NEDD9: variants seen among roughly 807,000 people sequenced by gnomAD.
The protein encoded by NEDD9 is enhancer of filamentation 1.
Under a neutral mutation model 76.6 loss-of-function variants are expected in NEDD9, and 26 were observed. The ratio of observed to expected loss-of-function variants is 0.34; its 90% CI spans 0.25 to 0.47. The LOEUF (loss-of-function observed/expected upper bound fraction) is 0.47. Ranked by LOEUF, NEDD9 falls within the 20% of genes least tolerant of loss-of-function variation. The pLI is 1.00. For missense variants in NEDD9, 937 were observed against 1,058.5 expected, an observed-to-expected ratio of 0.89 and a Z score of 1.59; for synonymous variants, 392 against 414.2, an observed-to-expected ratio of 0.95 and a Z score of 0.65.
intron 1 of NEDD9, among the ~76,000 whole-genome samples, chr6:11,369,180 A>G (rs1762816887): frequency 6.6e-6 from 1 of 152,174 alleles, no homozygotes; most frequent in South Asian, 2.1e-4. Context: ...TCCCCAACTT[A>G]TGTTGCTTGA....
intron 3 of NEDD9, among the ~76,000 whole-genome samples, chr6:11,244,743 G>T (rs1759776429): frequency 1.3e-5 from 2 of 152,312 alleles, no homozygotes; most frequent in South Asian, 4.1e-4. Flanking sequence ...GCTCGGTGGT[G>T]AATATGTTTT....
chr6:11,268,746 GACACAC>G (rs200336412), intron 3 of NEDD9, among the ~76,000 whole-genome samples: 4 of 136,590 alleles, frequency 2.9e-5, no homozygotes, highest in African/African-American at 5.5e-5. Flanking sequence ...CACACACACA[GACACAC>G]ACACACACAC....
rs1425906871 is a variant in NEDD9, at chr6:11,308,309, G to A, written c.-152-2154C>T. On this transcript the variant is annotated intron_variant, in intron 2 of 3. Transcript: ENST00000397378. ...TCCAAGAATTCTAAGGTCCAACGTG[G>A]TTTCTCAGGTCACTATGAAGAGACA... Among the ~76,000 whole-genome samples, 3 of 150,044 alleles carry A rather than the reference G, an allele frequency of 2.0e-5. No individual in the cohort carries two copies. The South Asian group carries it at 6.3e-4, about 32-fold the overall frequency.
At chr6:11,233,141 A>G (rs1722363252), upstream of NEDD9, 1 of 435,510 alleles carries the variant, frequency 2.3e-6, no homozygotes, top group Admixed American at 2.4e-5. Flanking sequence ...CCCTGCTGAT[A>G]CCTCTCTCTC....
rs147226881 is a variant in NEDD9, at chr6:11,340,162, C to T, written c.-213-5601G>A. On this transcript the variant is annotated intron_variant, in intron 1 of 3. Transcript: ENST00000397378. ...CAGCCTGAATGAATAACGCCTCAGCCTTCCCTCCTTATGCAAGAGCTGACA... is the reference window on the plus strand; with the variant it reads ...CAGCCTGAATGAATAACGCCTCAGCTTTCCCTCCTTATGCAAGAGCTGACA... 2.6e-5 allele frequency among the ~76,000 whole-genome samples: 4 copies of T among 152,254 alleles called. No homozygotes were observed. In the East Asian group the frequency reaches 7.7e-4, roughly 29 times the overall value.
intron 2 of NEDD9, among the ~76,000 whole-genome samples, chr6:11,329,182 C>A (rs377081158): frequency 6.6e-6 from 1 of 152,182 alleles, no homozygotes; most frequent in Non-Finnish European, 1.5e-5. Context: ...GTCAAACACC[C>A]GTGCAAGGGC....
intron 1 of NEDD9, 90 bp downstream of exon 1, chr6:11,232,414 G>T (rs1211499478): frequency 1.3e-6 from 2 of 1,497,680 alleles, no homozygotes; most frequent in Non-Finnish European, 1.9e-6. Flanking sequence ...ACACACAAGG[G>T]ACTGACAGTA....
At chr6:11,329,979 C>G (rs1321291021) in intron 2 of NEDD9, among the ~76,000 whole-genome samples, 1 of 152,172 alleles carries the variant, frequency 6.6e-6, no homozygotes, top group Non-Finnish European at 1.5e-5. Context: ...TGGGGAGCTT[C>G]CTGTGAGACC....
In NEDD9 at chr6:11,308,421, G is replaced by C. The variant is rs142954174; in HGVS notation, c.-152-2266C>G. On this transcript the variant is annotated intron_variant, in intron 2 of 3. Coordinates refer to the NEDD9 transcript ENST00000397378. ...GTCTGGCTCTGTCACCCAGGCTGGA[G>C]TGCAGTGGCGCAATCTCGGCTCACT... Among the ~76,000 whole-genome samples the C allele has an allele frequency of 3.2e-3, 447 of 141,298 alleles. 6 individuals carry two copies. The highest frequency in any genetic ancestry group is 0.011 in the African/African-American group (417 of 37,526). 92.7% of individuals were successfully genotyped at this position (141,298 alleles called of 152,430 possible).
chr6:11,278,258 A>T (rs1179751581), intron 3 of NEDD9, among the ~76,000 whole-genome samples: 17 of 152,108 alleles, frequency 1.1e-4, no homozygotes, highest in Admixed American at 1.1e-3. Flanking sequence ...TCTGAAGCGA[A>T]TTCTGTACCC....
intron 3 of NEDD9, among the ~76,000 whole-genome samples, chr6:11,301,483 C>T (rs897002501): frequency 6.6e-6 from 1 of 152,160 alleles, no homozygotes; most frequent in Non-Finnish European, 1.5e-5. Context: ...ACAAGGATAT[C>T]GAGGGCTTGA....
intron 2 of NEDD9, among the ~76,000 whole-genome samples, chr6:11,206,237 G>C (rs1369238625): frequency 3.3e-5 from 5 of 151,992 alleles, no homozygotes; most frequent in African/African-American, 4.8e-5. Flanking sequence ...TGACCAATAT[G>C]ATGAAACCCC....
chr6:11,242,807 T>C (rs1479266236), intron 3 of NEDD9, among the ~76,000 whole-genome samples: 1 of 152,168 alleles, frequency 6.6e-6, no homozygotes, highest in Non-Finnish European at 1.5e-5. Flanking sequence ...CAGATGAGCT[T>C]GTGGAATTCA....
At chr6:11,272,963 C>A (rs1760341890) in intron 3 of NEDD9, among the ~76,000 whole-genome samples, 1 of 151,952 alleles carries the variant, frequency 6.6e-6, no homozygotes, top group Non-Finnish European at 1.5e-5. Context: ...CCCTCTTGAC[C>A]CTGAAATCAT....
chr6:11,333,972 C>T (rs1762099374), intron 2 of NEDD9, among the ~76,000 whole-genome samples: 2 of 152,160 alleles, frequency 1.3e-5, no homozygotes, highest in Admixed American at 6.5e-5. Context: ...GGGCTTTAGC[C>T]CAAAAGTTGG....
At chr6:11,289,038 T>C (rs1582000343) in intron 3 of NEDD9, among the ~76,000 whole-genome samples, 1 of 152,240 alleles carries the variant, frequency 6.6e-6, no homozygotes, top group African/African-American at 2.4e-5. Flanking sequence ...GCCTCTCCTC[T>C]CCTGCCATTG....
chr6:11,291,272 T>TTTTTTTTTTGTTTTG (rs1760760958), intron 3 of NEDD9, among the ~76,000 whole-genome samples: 3 of 138,272 alleles, frequency 2.2e-5, no homozygotes, highest in African/African-American at 8.7e-5. Context: ...ATGAGGTTTT[T>TTTTTTTTTTGTTTTG]TTTTTTTTTT....
At chr6:11,347,470 A>AAAAAC (rs1398744120) in intron 1 of NEDD9, among the ~76,000 whole-genome samples, 2 of 152,158 alleles carry the variant, frequency 1.3e-5, no homozygotes, top group African/African-American at 2.4e-5. Flanking sequence ...ACACAACAAG[A>AAAAAC]AAAACAAAAC....
intron 3 of NEDD9, among the ~76,000 whole-genome samples, chr6:11,290,979 C>G (rs1760749632): frequency 6.6e-6 from 1 of 152,092 alleles, no homozygotes; most frequent in Non-Finnish European, 1.5e-5. Context: ...CTAACATGTC[C>G]CACACACTCC....
Sources: gnomAD v4.1 joint callset for allele counts (sites outside exome capture counted in the v4.1 genomes callset) on GRCh38, gnomAD v4.1.1 for gene constraint, MANE v1.5 for transcripts, NCBI Gene and HGNC (gene_info 2026-07-23, HGNC 2026-07-21) for gene names.